The following ZC3H12B variants were observed in gnomAD, a reference collection of about 807,000 sequenced individuals.
ZC3H12B encodes probable ribonuclease ZC3H12B.
ZC3H12B carries 7 observed loss-of-function variants against 43.9 expected under a neutral mutation model. That is an observed-to-expected ratio of 0.16 (90% CI 0.09 to 0.30). The LOEUF (loss-of-function observed/expected upper bound fraction) is 0.30, where lower values mean the gene tolerates loss of function less well. ZC3H12B is among the 10% of genes least tolerant of loss of function. The probability of loss-of-function intolerance (pLI) is 1.00; values close to 1 mark genes in which losing one functional copy is unlikely to be tolerated. For synonymous variants in ZC3H12B, 222 were observed against 241.7 expected (o/e 0.92, Z 0.76); for missense variants, 475 against 670.2 (o/e 0.71, Z 3.22).
At chrX:65,160,836 C>T in the ZC3H12B span, among the ~76,000 whole-genome samples, 1 of 111,145 alleles carries the variant, frequency 9.0e-6, no homozygotes, top group Non-Finnish European at 1.9e-5. Context: ...TTTTCTAGTT[C>T]TTTTAATTGT....
chrX:65,346,259 T>TAA, the ZC3H12B span, among the ~76,000 whole-genome samples: 6 of 86,329 alleles, frequency 7.0e-5, no homozygotes, highest in African/African-American at 2.5e-4. Context: ...ATGGTACTAG[T>TAA]AAAAAAAAAA....
chrX:65,391,569 G>T lies in ZC3H12B; in HGVS notation n.296-7024G>T, dbSNP rs147958429. On this transcript the variant is annotated intron_variant and non_coding_transcript_variant, in intron 2 of 5. Transcript: ENST00000617377. ...GGGGGATATGGGGCCCAACAGGATG[G>T]AGGGCAATTGTTTGCTGGTCCCTTG... 4.5e-5 allele frequency among the ~76,000 whole-genome samples: 5 copies of T among 111,651 alleles called. No homozygotes were observed. The East Asian group carries it at 1.1e-3, about 25-fold the overall frequency.
intron 3 of ZC3H12B, among the ~76,000 whole-genome samples, chrX:65,420,919 T>C (rs2067010326): frequency 8.9e-6 from 1 of 112,399 alleles, no homozygotes; most frequent in Non-Finnish European, 1.9e-5. Context: ...TCAGGCAAAA[T>C]TACTTTTTCT....
the ZC3H12B span, among the ~76,000 whole-genome samples, chrX:65,206,476 G>C: frequency 9.0e-6 from 1 of 111,474 alleles, no homozygotes; most frequent in Non-Finnish European, 1.9e-5. Flanking sequence ...AGAATGAAAC[G>C]GATCCTCATC....
At chrX:65,425,647 T>C (rs966584532) in intron 3 of ZC3H12B, among the ~76,000 whole-genome samples, 2 of 111,533 alleles carry the variant, frequency 1.8e-5, no homozygotes, top group African/African-American at 6.5e-5. Flanking sequence ...CAATACCTAG[T>C]TTATTGAGAG....
At position 65,464,598 on chromosome X, in the gene ZC3H12B, T is replaced by G. The variant is rs749319980; in HGVS notation, n.408-24048T>G. On this transcript the variant is annotated intron_variant and non_coding_transcript_variant, in intron 3 of 5. Transcript: ENST00000617377. ...CTTTTTATTGATTTATTCTGTTTTA[T>G]TATATGTATTTATTTATGTTCTAAT... Among the ~76,000 whole-genome samples the G allele has an allele frequency of 7.2e-5, 8 of 111,264 alleles. No homozygotes were observed. In the South Asian group the frequency reaches 1.5e-3, roughly 21 times the overall value.
the ZC3H12B span, among the ~76,000 whole-genome samples, chrX:65,113,005 A>G: frequency 1.8e-5 from 2 of 111,961 alleles, no homozygotes; most frequent in East Asian, 2.8e-4. Flanking sequence ...CATTAAGGAC[A>G]TTTGTACTTC....
chrX:65,226,808 G>T, the ZC3H12B span, among the ~76,000 whole-genome samples: 1 of 111,522 alleles, frequency 9.0e-6, no homozygotes, highest in Non-Finnish European at 1.9e-5. Flanking sequence ...ATGGTAAAGG[G>T]ATCAATGCAA....
the ZC3H12B span, among the ~76,000 whole-genome samples, chrX:65,080,255 T>C: frequency 9.4e-6 from 1 of 105,888 alleles, no homozygotes; most frequent in African/African-American, 3.4e-5. Context: ...GCAAATCTAG[T>C]AGCTATTGAC....
At chrX:65,207,204 A>C in the ZC3H12B span, among the ~76,000 whole-genome samples, 6 of 107,181 alleles carry the variant, frequency 5.6e-5, no homozygotes, top group Admixed American at 6.1e-4. Flanking sequence ...AGGTACTTGC[A>C]CACACATGTT....
chrX:65,279,297 C>CT, the ZC3H12B span, among the ~76,000 whole-genome samples: 4 of 91,116 alleles, frequency 4.4e-5, no homozygotes, highest in African/African-American at 1.5e-4. Context: ...ACCTTACCAG[C>CT]ATTTTTTTTT....
At chrX:65,091,815 C>T in the ZC3H12B span, among the ~76,000 whole-genome samples, 2 of 112,204 alleles carry the variant, frequency 1.8e-5, no homozygotes, top group East Asian at 5.6e-4. Context: ...TCTGTATGTT[C>T]TGTTCAATTT....
At chrX:65,354,891 A>G in the ZC3H12B span, among the ~76,000 whole-genome samples, 1 of 112,020 alleles carries the variant, frequency 8.9e-6, no homozygotes, top group South Asian at 3.7e-4. Context: ...AATGAAATAA[A>G]GCTTGAAGAC....
chrX:65,278,660 G>T, the ZC3H12B span, among the ~76,000 whole-genome samples: 1 of 111,455 alleles, frequency 9.0e-6, no homozygotes, highest in South Asian at 3.8e-4. Context: ...TTATTTTAAT[G>T]TTTATTTTAG....
the ZC3H12B span, among the ~76,000 whole-genome samples, chrX:65,126,462 C>T: frequency 3.6e-5 from 4 of 111,054 alleles, no homozygotes; most frequent in African/African-American, 1.3e-4. Context: ...TGTCTGTGTG[C>T]CTAGGCAATT....
At chrX:65,449,440 A>G (rs746980212) in intron 3 of ZC3H12B, among the ~76,000 whole-genome samples, 15 of 110,876 alleles carry the variant, frequency 1.4e-4, no homozygotes, top group Non-Finnish European at 2.3e-4. Context: ...ACAACATGGC[A>G]AAACCCCCTC....
At chrX:65,459,021 T>G (rs200452324) in intron 3 of ZC3H12B, among the ~76,000 whole-genome samples, 2 of 109,580 alleles carry the variant, frequency 1.8e-5, no homozygotes, top group Non-Finnish European at 3.8e-5. Context: ...AAAATGATAA[T>G]GGGATATCAC....
At chrX:65,111,149 A>G in the ZC3H12B span, among the ~76,000 whole-genome samples, 1 of 110,997 alleles carries the variant, frequency 9.0e-6, no homozygotes, top group Admixed American at 9.6e-5. Context: ...GGGATTTTCT[A>G]CATAGACGGT....
chrX:65,074,756 T>C, the ZC3H12B span, among the ~76,000 whole-genome samples: 11 of 112,080 alleles, frequency 9.8e-5, no homozygotes, highest in Non-Finnish European at 1.7e-4. Flanking sequence ...ATTGAAACTG[T>C]CTAGTGAATT....
Sources: gnomAD v4.1 joint callset for allele counts (sites outside exome capture counted in the v4.1 genomes callset) on GRCh38, gnomAD v4.1.1 for gene constraint, MANE v1.5 for transcripts, NCBI Gene and HGNC (gene_info 2026-07-23, HGNC 2026-07-21) for gene names.